Variants in CDH22 observed in about 807,000 individuals in gnomAD.
The protein encoded by CDH22 is cadherin-22.
Under a neutral mutation model 58.4 loss-of-function variants are expected in CDH22, and 30 were observed. That is an observed-to-expected ratio of 0.51 (90% confidence interval 0.38 to 0.70). CDH22 has a LOEUF of 0.70. Among genes scored for constraint, CDH22 ranks in the 30% least tolerant of loss-of-function variants. The pLI, the probability that CDH22 is intolerant of heterozygous loss-of-function variation, is 0.00. For synonymous variants in CDH22, 513 were observed against 558.2 expected, an observed-to-expected ratio of 0.92 and a Z score of 1.14; for missense variants, 1,014 against 1,233.9, an observed-to-expected ratio of 0.82 and a Z score of 2.67.
intron 1 of CDH22, among the ~76,000 whole-genome samples, chr20:46,286,678 T>C (rs987554024): frequency 6.6e-6 from 1 of 152,158 alleles, no homozygotes; most frequent in Non-Finnish European, 1.5e-5. Flanking sequence ...AGAATGCTAA[T>C]AGGGCTGAGT....
intron 8 of CDH22, among the ~76,000 whole-genome samples, chr20:46,189,119 C>T (rs550618590): frequency 1.5e-4 from 23 of 152,184 alleles, no homozygotes; most frequent in Admixed American, 7.2e-4. Context: ...GGGGGGCGGG[C>T]GGCGGTCAGG....
At chr20:46,175,858 G>A (rs1472581681) in intron 11 of CDH22, among the ~76,000 whole-genome samples, 10 of 152,170 alleles carry the variant, frequency 6.6e-5, no homozygotes, top group Admixed American at 6.6e-4. Context: ...ACCCTGCTGT[G>A]TTACCAGGTC....
At position 46,300,765 on chromosome 20, in the gene CDH22, C is replaced by T. The variant is rs150532188; in HGVS notation, c.-400+7490G>A. Among the ~76,000 whole-genome samples, 90 of 152,342 alleles carry T rather than the reference C, an allele frequency of 5.9e-4. 1 individual carries two copies. The East Asian group carries it at 0.014, about 24-fold the overall frequency. ...TCTACTTGAGGAATCTGGTGAGCGC[C>T]ACACGACTCCTGCCAAAAACGTCCC... On this transcript the variant is annotated intron_variant, in intron 1 of 11. Coordinates refer to ENST00000537909, the MANE Select transcript of CDH22 (RefSeq NM_021248.3). The surrounding 1 kb of genome is among the most constrained non-coding windows in gnomAD (Gnocchi z 4.4).
At chr20:46,231,484 C>T (rs1402751804) in intron 3 of CDH22, among the ~76,000 whole-genome samples, 1 of 152,130 alleles carries the variant, frequency 6.6e-6, no homozygotes, top group South Asian at 2.1e-4. Context: ...AAACTGATGC[C>T]CTAGACTGAA....
chr20:46,283,364 C>A (rs1342441795), intron 1 of CDH22, among the ~76,000 whole-genome samples: 1 of 152,160 alleles, frequency 6.6e-6, no homozygotes, highest in Non-Finnish European at 1.5e-5. Context: ...GGGACACGTT[C>A]CCTAACATCT....
chr20:46,251,204 T>TCGG lies in CDH22; in HGVS notation c.88_90dup (p.Pro30dup), dbSNP rs758954908. 1.5e-5 allele frequency: 22 copies of TCGG among 1,469,164 alleles called. No individual in the cohort carries two copies. The highest frequency in any genetic ancestry group is 8.2e-5 in the Admixed American group (3 of 36,412). 91.0% of individuals were successfully genotyped at this position (1,469,164 alleles called of 1,614,324 possible). A position where few individuals can be genotyped will look rare whatever the true frequency, so the allele number is the denominator to read the frequency against. ...GCTGCCCACAGGCGCCCCAGCAGCG[T>TCGG]CGGCGGCGGCGGCAGCAGCAGCAGC... On this transcript the variant is annotated inframe_insertion, in exon 2 of 12. Transcript: ENST00000537909. The surrounding 1 kb of genome is among the most constrained non-coding windows in gnomAD (Gnocchi z 6.7).
Position 46,260,932 on chromosome 20 carries a change from A to G in CDH22, c.-399-9239T>C, listed in dbSNP as rs1007051267. The stretch of plus-strand genomic sequence containing the variant: ...CTGCACAGAGCGACCCCCAGACAGA[A>G]CAAAGTAGAACAGATTTTGTGGAGC... On this transcript the variant is annotated intron_variant, in intron 1 of 11. Coordinates refer to ENST00000537909, the MANE Select transcript of CDH22 (RefSeq NM_021248.3). 2.0e-5 allele frequency among the ~76,000 whole-genome samples: 3 copies of G among 152,210 alleles called. 1 individual carries two copies. The highest frequency in any genetic ancestry group is 2.0e-4 in the Admixed American group (3 of 15,288).
intron 1 of CDH22, among the ~76,000 whole-genome samples, chr20:46,277,025 A>G (rs2086521646): frequency 6.6e-6 from 1 of 152,208 alleles, no homozygotes. Context: ...GCAGTGGCCT[A>G]TGCCTGTAAT....
At chr20:46,204,445 T>C (rs1368655148) in intron 7 of CDH22, among the ~76,000 whole-genome samples, 1 of 146,542 alleles carries the variant, frequency 6.8e-6, no homozygotes, top group Non-Finnish European at 1.5e-5. Flanking sequence ...TAGTAATACC[T>C]ACCTCACAGG....
chr20:46,224,654 C>T (rs1257912457), intron 4 of CDH22, among the ~76,000 whole-genome samples: 1 of 152,198 alleles, frequency 6.6e-6, no homozygotes, highest in Admixed American at 6.5e-5. Context: ...TTACACTCCT[C>T]CTGTTTCTGT....
chr20:46,293,963 C>T lies in CDH22; in HGVS notation c.-400+14292G>A, dbSNP rs548738131. ...CTGGGAGGCGGAGGTTGCAGTGAGC[C>T]GAGACTGCACCACTGCACTCCAGCC... is the stretch of plus-strand genomic sequence containing the variant. On this transcript the variant is annotated intron_variant, in intron 1 of 11. Coordinates refer to ENST00000537909, the MANE Select transcript of CDH22 (RefSeq NM_021248.3). Among the ~76,000 whole-genome samples the T allele has an allele frequency of 2.9e-4, 44 of 152,172 alleles. 1 individual carries two copies. In the South Asian group the frequency reaches 8.3e-3, roughly 29 times the overall value.
At chr20:46,304,021 A>T (rs1755580185) in intron 1 of CDH22, among the ~76,000 whole-genome samples, 1 of 152,050 alleles carries the variant, frequency 6.6e-6, no homozygotes, top group Non-Finnish European at 1.5e-5. Context: ...GAGAGGGGAG[A>T]AAAGGTAGAG....
chr20:46,251,111 G>T lies in CDH22; in HGVS notation c.184C>A (p.Arg62Ser). 6.2e-7 allele frequency: 1 copy of T among 1,607,178 alleles called. No individual in the cohort carries two copies. Among genetic ancestry groups the T allele is most frequent in the Non-Finnish European group, 8.5e-7 (1 of 1,176,846 alleles). ...AAGAACTGGTTCCACACCCAGCCGC[G>T]TTTGACGCGGCCGGCTCCCAGCGCG... is the stretch of plus-strand genomic sequence containing the variant. ...DGALGAGRVK[R>S]GWVWNQFFVV... Residue 62 changes from arginine to serine, a missense_variant, in exon 2 of 12, where the codon CGC becomes AGC. Physicochemically the swap from Arg to Ser is moderately radical, Grantham distance 110 (BLOSUM62 -1). Transcript: ENST00000537909. This position sits in a 1 kb window ranked among gnomAD's most constrained non-coding sequence, Gnocchi z 6.7.
chr20:46,179,909 G>A (rs1237303074), intron 10 of CDH22, among the ~76,000 whole-genome samples: 1 of 151,788 alleles, frequency 6.6e-6, no homozygotes, highest in Non-Finnish European at 1.5e-5. Context: ...TAAAGTTCCT[G>A]CTCTCTGGAA....
chr20:46,271,350 T>A (rs2086487832), intron 1 of CDH22, among the ~76,000 whole-genome samples: 1 of 152,178 alleles, frequency 6.6e-6, no homozygotes, highest in Admixed American at 6.5e-5. Context: ...TACTATGGAT[T>A]CTCCCTTCTC....
Position 46,210,472 on chromosome 20 carries a change from G to A in CDH22, c.1121C>T (p.Thr374Met). 1 of 1,435,334 alleles carries A rather than the reference G, an allele frequency of 7.0e-7. No individual in the cohort carries two copies. Among genetic ancestry groups the A allele is most frequent in the Non-Finnish European group, 9.2e-7 (1 of 1,091,724 alleles). 88.9% of individuals were successfully genotyped at this position (1,435,334 alleles called of 1,614,324 possible). ...GCGCACGATCGCCTGGTCGCGGAACGTGCCCAGGTCGGCGAAGCGGGGGTC... is the reference window on the plus strand; with the variant it reads ...GCGCACGATCGCCTGGTCGCGGAACATGCCCAGGTCGGCGAAGCGGGGGTC... ...FVDPRFADLG[T>M]FRDQAIVRVA... The change falls in exon 7 of 12, where the codon ACG (threonine) becomes ATG (methionine). Residue 374 changes from threonine to methionine, a missense_variant. Physicochemically the swap from Thr to Met is moderately conservative, Grantham distance 81. This residue lies in a region of CDH22 where 806 missense variants were observed against 1,038.7 expected (regional missense o/e 0.78). Coordinates refer to ENST00000537909, the MANE Select transcript of CDH22 (RefSeq NM_021248.3). This position sits in a 1 kb window ranked among gnomAD's most constrained non-coding sequence, Gnocchi z 4.5.
chr20:46,203,255 G>A (rs2085975001), intron 7 of CDH22, among the ~76,000 whole-genome samples: 1 of 151,698 alleles, frequency 6.6e-6, no homozygotes, highest in South Asian at 2.1e-4. Context: ...AGAGTGAGTG[G>A]GAGGGAGGGA....
intron 1 of CDH22, among the ~76,000 whole-genome samples, chr20:46,297,819 G>A (rs1555808367): frequency 6.6e-6 from 1 of 151,938 alleles, no homozygotes; most frequent in Non-Finnish European, 1.5e-5. Context: ...ATTAAATGCA[G>A]CCATCTCCTC....
chr20:46,268,044 G>A (rs561976087), intron 1 of CDH22, among the ~76,000 whole-genome samples: 1 of 152,380 alleles, frequency 6.6e-6, no homozygotes, highest in African/African-American at 2.4e-5. Context: ...TTGAATCCAT[G>A]TATCTACCAG....
Sources: allele counts gnomAD v4.1 joint callset (sites outside exome capture counted in the v4.1 genomes callset), GRCh38; gene constraint gnomAD v4.1.1; regional missense constraint gnomAD v4.1.1; non-coding constraint Gnocchi (gnomAD v3.1); transcripts MANE v1.5; gene names NCBI Gene and HGNC (gene_info 2026-07-23, HGNC 2026-07-21).